The following SGCD variants were observed in gnomAD, a reference collection of about 807,000 sequenced individuals.
SGCD encodes the protein sarcoglycan delta.
Under a neutral mutation model 36.6 loss-of-function variants are expected in SGCD, and 18 were observed. The observed-to-expected ratio is 0.49, with a 90% CI of 0.34 to 0.73. The LOEUF is 0.73. Ranked by LOEUF, SGCD falls within the 30% of genes least tolerant of loss-of-function variation. SGCD has a pLI of 0.01. For missense variants in SGCD, 387 were observed against 346.7 expected (o/e 1.12, Z -0.92); for synonymous variants, 133 against 130.6 (o/e 1.02, Z -0.12).
intron 1 of SGCD, among the ~76,000 whole-genome samples, chr5:155,881,654 C>T (rs1755889350): frequency 6.6e-6 from 1 of 152,172 alleles, no homozygotes; most frequent in Non-Finnish European, 1.5e-5. Flanking sequence ...TTCTTCCTTT[C>T]ACGAAAGATT....
At chr5:156,453,391 A>G (rs1214070592) in intron 3 of SGCD, among the ~76,000 whole-genome samples, 1 of 152,188 alleles carries the variant, frequency 6.6e-6, no homozygotes, top group African/African-American at 2.4e-5. Context: ...CAAGTATTCA[A>G]TTAGGGGCTG....
intron 3 of SGCD, among the ~76,000 whole-genome samples, chr5:156,127,880 A>C (rs1050834589): frequency 0.018 from 2,134 of 121,780 alleles, 36 homozygotes; most frequent in Non-Finnish European, 0.029. Flanking sequence ...AAAAAAAAAA[A>C]CCCACCAGAG....
chr5:156,665,445 G>A (rs1408824400), intron 7 of SGCD, among the ~76,000 whole-genome samples: 4 of 152,216 alleles, frequency 2.6e-5, no homozygotes, highest in Admixed American at 2.6e-4. Flanking sequence ...CTATTAAACA[G>A]CTTCCAGGGG....
intron 3 of SGCD, among the ~76,000 whole-genome samples, chr5:156,238,575 C>T (rs572226148): frequency 4.6e-5 from 7 of 152,250 alleles, no homozygotes; most frequent in South Asian, 2.1e-4. Context: ...ACTGAGTGCT[C>T]GAAATGTGGG....
At position 156,550,882 on chromosome 5, in the gene SGCD, C is replaced by T. The variant is rs140022886; in HGVS notation, c.295-38349C>T. ...TAGGAATAAGCATCCTTCATGAAGA[C>T]GGCATGGGAATTGTCACTTTGTTTT... On this transcript the variant is annotated intron_variant, in intron 4 of 8. Transcript: ENST00000337851. Among the ~76,000 whole-genome samples, 19 of 152,316 alleles carry T rather than the reference C, an allele frequency of 1.2e-4. No homozygotes were observed. The East Asian group carries it at 1.5e-3, about 12-fold the overall frequency.
At chr5:156,114,249 G>A (rs1761857683) in intron 1 of SGCD, among the ~76,000 whole-genome samples, 1 of 152,030 alleles carries the variant, frequency 6.6e-6, no homozygotes, top group South Asian at 2.1e-4. Flanking sequence ...GATGGGTGGA[G>A]CACAAGGGAT....
At chr5:156,607,210 G>A (rs547775200) in intron 6 of SGCD, among the ~76,000 whole-genome samples, 105 of 152,254 alleles carry the variant, frequency 6.9e-4, no homozygotes, top group Non-Finnish European at 1.2e-3. Flanking sequence ...ATTATTTTGA[G>A]ATACATCCCA....
intron 1 of SGCD, among the ~76,000 whole-genome samples, chr5:155,942,310 G>C (rs911683388): frequency 1.0e-5 from 1 of 96,744 alleles, no homozygotes; most frequent in Non-Finnish European, 2.1e-5. Context: ...ATGTATGTAT[G>C]TATGTATGTA....
chr5:156,337,382 A>G (rs1768409769), intron 2 of SGCD, among the ~76,000 whole-genome samples: 1 of 152,232 alleles, frequency 6.6e-6, no homozygotes, highest in Non-Finnish European at 1.5e-5. Context: ...TTCTTAAATT[A>G]GCTAATGTAG....
the SGCD span, among the ~76,000 whole-genome samples, chr5:155,843,131 C>G: frequency 6.6e-6 from 1 of 152,126 alleles, no homozygotes; most frequent in Non-Finnish European, 1.5e-5. Context: ...TGGTATCTTA[C>G]GTGAGGATTA....
the SGCD span, among the ~76,000 whole-genome samples, chr5:155,731,929 G>C: frequency 1.3e-5 from 2 of 152,146 alleles, no homozygotes; most frequent in Non-Finnish European, 2.9e-5. Flanking sequence ...GGATTTCTTC[G>C]TAAGAGATAC....
At chr5:156,604,753 T>TTTTATATGTATATATACATATATACACAC in intron 6 of SGCD, among the ~76,000 whole-genome samples, 1 of 148,608 alleles carries the variant, frequency 6.7e-6, no homozygotes, top group African/African-American at 2.4e-5. Flanking sequence ...TATATACACA[T>TTTTATATGTATATATACATATATACACAC]TTTATATGTA....
At chr5:156,509,737 G>A (rs775067780) in intron 4 of SGCD, among the ~76,000 whole-genome samples, 4 of 152,192 alleles carry the variant, frequency 2.6e-5, no homozygotes, top group Admixed American at 6.5e-5. Context: ...TGCTGTAGCA[G>A]TGATTCCTAC....
intron 7 of SGCD, among the ~76,000 whole-genome samples, chr5:156,701,750 G>A (rs375187980): frequency 1.3e-5 from 2 of 152,176 alleles, no homozygotes; most frequent in African/African-American, 4.8e-5. Context: ...TCAAAAAACA[G>A]TGTGAGGATT....
intron 3 of SGCD, among the ~76,000 whole-genome samples, chr5:156,177,023 G>A (rs1008336692): frequency 9.2e-5 from 14 of 151,954 alleles, no homozygotes; most frequent in African/African-American, 3.4e-4. Flanking sequence ...TTTTTTTGAA[G>A]CAGAGTCTTG....
chr5:155,861,468 C>A, the SGCD span, among the ~76,000 whole-genome samples: 1 of 151,596 alleles, frequency 6.6e-6, no homozygotes, highest in Admixed American at 6.6e-5. Context: ...TTTGGGAGGC[C>A]GAGGCGGGCG....
intron 3 of SGCD, among the ~76,000 whole-genome samples, chr5:156,451,014 C>T (rs1470025081): frequency 6.6e-6 from 1 of 151,864 alleles, no homozygotes; most frequent in Non-Finnish European, 1.5e-5. Flanking sequence ...TTGGACAGTC[C>T]ATGTACTTTC....
At chr5:156,733,970 T>TATTTTGGATCCTTTGGAAC (rs1423139025) in intron 7 of SGCD, among the ~76,000 whole-genome samples, 3 of 152,126 alleles carry the variant, frequency 2.0e-5, no homozygotes, top group African/African-American at 4.8e-5. Context: ...ATCATGATCT[T>TATTTTGGATCCTTTGGAAC]AGCGGGTTAT....
At chr5:156,626,051 G>A (rs1762426989) in intron 6 of SGCD, among the ~76,000 whole-genome samples, 1 of 151,636 alleles carries the variant, frequency 6.6e-6, no homozygotes, top group African/African-American at 2.4e-5. Flanking sequence ...TGGAGGTGGG[G>A]GGTTGCTACT....
Sources: gnomAD v4.1 joint callset for allele counts (sites outside exome capture counted in the v4.1 genomes callset) on GRCh38, gnomAD v4.1.1 for gene constraint, MANE v1.5 for transcripts, NCBI Gene and HGNC (gene_info 2026-07-23, HGNC 2026-07-21) for gene names.